Variants in CLIP1 observed in about 807,000 individuals in gnomAD.
The protein encoded by CLIP1 is CAP-Gly domain containing linker protein 1, also known as CAP-Gly domain-containing linker protein 1.
A neutral mutation model predicts 161.6 loss-of-function variants in CLIP1; 66 were observed. The observed-to-expected ratio is 0.41, with a 90% confidence interval of 0.33 to 0.50. CLIP1 has a LOEUF of 0.50. CLIP1 is among the 20% of genes least tolerant of loss of function. The pLI, the probability that CLIP1 is intolerant of heterozygous loss-of-function variation, is 0.27. For synonymous variants in CLIP1, 598 were observed against 626.2 expected, an observed-to-expected ratio of 0.96 and a Z score of 0.67; for missense variants, 1,376 against 1,702.0, an observed-to-expected ratio of 0.81 and a Z score of 3.37.
At chr12:122,318,258 G>A (rs916133592) in intron 18 of CLIP1, among the ~76,000 whole-genome samples, 3 of 152,166 alleles carry the variant, frequency 2.0e-5, no homozygotes, top group Non-Finnish European at 4.4e-5. Context: ...ATCTGGGCTG[G>A]GCGTGGTGGC....
At chr12:122,387,264 C>T (rs1056596459) in intron 1 of CLIP1, among the ~76,000 whole-genome samples, 1 of 152,080 alleles carries the variant, frequency 6.6e-6, no homozygotes, top group African/African-American at 2.4e-5. Flanking sequence ...CTTTGAGACT[C>T]TTTTAGAGAA....
rs572949827 is a variant in CLIP1, at chr12:122,322,998, G to A, written c.3250-3650C>T. 2.6e-5 allele frequency: 4 copies of A among 152,626 alleles called. No homozygotes were observed. The South Asian group carries it at 6.2e-4, about 24-fold the overall frequency. The allele number at this position is 152,626 out of a possible 1,614,324, so 9.5% of individuals were successfully genotyped here. A position where few individuals can be genotyped will look rare whatever the true frequency, so the allele number is the denominator to read the frequency against. ...TGGTTTTCCTTTTTTCTCTCTTGAA[G>A]CTCCTTCTTCAGAGCATCAATATTA... On this transcript the variant is annotated intron_variant, in intron 17 of 25. Coordinates refer to ENST00000620786, the MANE Select transcript of CLIP1 (RefSeq NM_001247997.2).
intron 19 of CLIP1, among the ~76,000 whole-genome samples, chr12:122,313,056 G>C (rs891270916): frequency 5.3e-5 from 8 of 152,136 alleles, no homozygotes; most frequent in African/African-American, 1.7e-4. Context: ...GTCATCAGGG[G>C]CAGGGGCTTT....
chr12:122,391,762 C>T (rs957321625), intron 1 of CLIP1, among the ~76,000 whole-genome samples: 8 of 152,074 alleles, frequency 5.3e-5, no homozygotes, highest in Admixed American at 1.3e-4. Flanking sequence ...GTATTTAGCG[C>T]GTTAGATACT....
rs1460727199 is a variant in CLIP1 at position 122,365,230 on chromosome 12, TATA to T, written c.658-1126_658-1124del. On this transcript the variant is annotated intron_variant, in intron 3 of 25. Transcript: ENST00000620786. Reference sequence around the variant, plus strand: ...TGCACATGTACCCTAAAACTTAAAGTATAATAATAATAAAATAAAAATAAAAAA... The same window carrying T: ...TGCACATGTACCCTAAAACTTAAAGTATAATAATAAAATAAAAATAAAAAA... 16 of 505,932 alleles carry T rather than the reference TATA, an allele frequency of 3.2e-5. 1 individual carries two copies. The highest frequency in any genetic ancestry group is 1.4e-4 in the South Asian group (4 of 29,092). 31.3% of individuals were successfully genotyped at this position (505,932 alleles called of 1,614,324 possible).
chr12:122,278,720 G>A lies in CLIP1; in HGVS notation c.3916+72C>T. The A allele has an allele frequency of 3.4e-6, 5 of 1,450,946 alleles. No individual in the cohort carries two copies. The South Asian group carries it at 7.3e-5, about 21-fold the overall frequency. 89.9% of individuals were successfully genotyped at this position (1,450,946 alleles called of 1,614,324 possible). Reference sequence around the variant, plus strand: ...GCAGCATGAGAGCTGTCTTCGAAGAGCATCTCTACTAGAAAGGGCTCCTCG... The same window carrying A: ...GCAGCATGAGAGCTGTCTTCGAAGAACATCTCTACTAGAAAGGGCTCCTCG... On this transcript the variant is annotated intron_variant, in intron 23 of 25. Coordinates refer to ENST00000620786, the MANE Select transcript of CLIP1 (RefSeq NM_001247997.2).
intron 5 of CLIP1, 180 bp downstream of exon 5, chr12:122,360,779 A>T (rs1953740784): frequency 1.8e-6 from 1 of 555,796 alleles, no homozygotes. Context: ...ATTTCAAAAA[A>T]CGCATTCTTG....
Position 122,377,465 on chromosome 12 carries a change from T to C in CLIP1, c.581A>G (p.Glu194Gly). ...PISNLTKTASESISNLSEAGS... is the reference protein window; with the variant it reads ...PISNLTKTASGSISNLSEAGS... The stretch of plus-strand genomic sequence containing the variant: ...AGCCTCTGAAAGGTTGGAGATAGAT[T>C]CACTGGCAGTTTTTGTAAGGTTGCT... Residue 194 changes from glutamate to glycine, a missense_variant, in exon 3 of 26, where the codon GAA becomes GGA. Glu to Gly is a moderately conservative substitution (Grantham distance 98). Coordinates refer to ENST00000620786, the MANE Select transcript of CLIP1 (RefSeq NM_001247997.2). 2 of 1,614,178 alleles carry C rather than the reference T, an allele frequency of 1.2e-6. No homozygotes were observed. The highest frequency in any genetic ancestry group is 1.1e-5 in the South Asian group (1 of 91,086).
intron 1 of CLIP1, among the ~76,000 whole-genome samples, chr12:122,381,791 TC>T (rs1478409279): frequency 6.6e-6 from 1 of 152,120 alleles, no homozygotes; most frequent in South Asian, 2.1e-4. Flanking sequence ...AACAGTGCCC[TC>T]CCCCAAAGAC....
chr12:122,410,813 A>C (rs1440819463), intron 1 of CLIP1, among the ~76,000 whole-genome samples: 1 of 152,190 alleles, frequency 6.6e-6, no homozygotes, highest in Non-Finnish European at 1.5e-5. Flanking sequence ...TGTTTCTCCA[A>C]AGAAGCTATA....
chr12:122,279,284 G>A lies in CLIP1; in HGVS notation c.3648-139C>T, dbSNP rs1315895632. 2.0e-5 allele frequency: 11 copies of A among 542,498 alleles called. No individual in the cohort carries two copies. Among genetic ancestry groups the A allele is most frequent in the Non-Finnish European group, 3.4e-5 (11 of 323,556 alleles). The allele number at this position is 542,498 out of a possible 1,614,324, so 33.6% of individuals were successfully genotyped here. A position where few individuals can be genotyped will look rare whatever the true frequency, so the allele number is the denominator to read the frequency against. On this transcript the variant is annotated intron_variant, in intron 21 of 25. Coordinates refer to ENST00000620786, the MANE Select transcript of CLIP1 (RefSeq NM_001247997.2). This position sits in a 1 kb window ranked among gnomAD's most constrained non-coding sequence, Gnocchi z 4.5. ...ACAGGGAAGTTTTATAGGGAGTTAA[G>A]GCCATTATGCTCACAAAATTTTACT...
intron 4 of CLIP1, among the ~76,000 whole-genome samples, chr12:122,362,915 T>A (rs1205338676): frequency 1.3e-5 from 2 of 152,120 alleles, no homozygotes; most frequent in Non-Finnish European, 2.9e-5. Flanking sequence ...GGCTTCATAA[T>A]CATTGCAGTT....
chr12:122,362,973 T>A (rs1953945223), intron 4 of CLIP1, among the ~76,000 whole-genome samples: 1 of 152,290 alleles, frequency 6.6e-6, no homozygotes, highest in East Asian at 1.9e-4. Context: ...ATCTGGTAGA[T>A]AAAGCCCTTT....
At chr12:122,420,412 T>C (rs1227936334) in intron 1 of CLIP1, among the ~76,000 whole-genome samples, 1 of 151,656 alleles carries the variant, frequency 6.6e-6, no homozygotes, top group Non-Finnish European at 1.5e-5. Context: ...CCAGATTAGC[T>C]TATGTCATGC....
Position 122,355,141 on chromosome 12 carries a change from C to T in CLIP1, c.1177G>A (p.Ala393Thr), listed in dbSNP as rs768298643. The T allele has an allele frequency of 7.4e-6, 12 of 1,614,168 alleles. No homozygotes were observed. Among genetic ancestry groups the T allele is most frequent in the Non-Finnish European group, 1.0e-5 (12 of 1,180,000 alleles). The change falls in exon 6 of 26, where the codon GCT becomes ACT. Residue 393 changes from alanine (A) to threonine (T), a missense_variant. Ala to Thr is a moderately conservative substitution (Grantham distance 58, BLOSUM62 0). Coordinates refer to ENST00000620786, the MANE Select transcript of CLIP1 (RefSeq NM_001247997.2). The surrounding 1 kb of genome is among the most constrained non-coding windows in gnomAD (Gnocchi z 4.1). Reference sequence around the variant, plus strand: ...TGGTCATGTCCGTCCCGGGCCAGAGCTAGCTCCTGCTCTATCTCCCCCACG... The same window carrying T: ...TGGTCATGTCCGTCCCGGGCCAGAGTTAGCTCCTGCTCTATCTCCCCCACG... ...SHVGEIEQEL[A>T]LARDGHDQHV...
intron 1 of CLIP1, chr12:122,395,735 C>T (rs1270612964): frequency 1.3e-5 from 2 of 152,238 alleles, no homozygotes; most frequent in African/African-American, 4.8e-5. Context: ...GTATTACCTG[C>T]AAACTTCTGG....
At chr12:122,349,387 C>T (rs922761328) in intron 9 of CLIP1, among the ~76,000 whole-genome samples, 1 of 152,232 alleles carries the variant, frequency 6.6e-6, no homozygotes, top group African/African-American at 2.4e-5. Context: ...TCTATATACA[C>T]ATTATCTGGG....
intron 24 of CLIP1, chr12:122,276,672 CT>C (rs1188628489): frequency 1.6e-5 from 5 of 317,546 alleles, no homozygotes; most frequent in Non-Finnish European, 2.4e-5. Context: ...TAAAATGTGG[CT>C]TTTGTACTTT....
At chr12:122,282,409 G>A (rs534240712) in intron 21 of CLIP1, among the ~76,000 whole-genome samples, 2 of 152,084 alleles carry the variant, frequency 1.3e-5, no homozygotes, top group South Asian at 2.1e-4. Flanking sequence ...AGGGATAGAG[G>A]GAACAGAAAT....
Sources: gnomAD v4.1 joint callset for allele counts (sites outside exome capture counted in the v4.1 genomes callset) on GRCh38, gnomAD v4.1.1 for gene constraint, Gnocchi (gnomAD v3.1) non-coding constraint, MANE v1.5 for transcripts, NCBI Gene and HGNC (gene_info 2026-07-23, HGNC 2026-07-21) for gene names.